The following PEBP4 variants were observed in gnomAD, a reference collection of about 807,000 sequenced individuals.
PEBP4 encodes phosphatidylethanolamine-binding protein 4.
A neutral mutation model predicts 23.9 loss-of-function variants in PEBP4; 22 were observed. The ratio of observed to expected loss-of-function variants is 0.92; its 90% CI spans 0.66 to 1.31. The LOEUF (loss-of-function observed/expected upper bound fraction) is 1.31, where lower values mean the gene tolerates loss of function less well. Among genes scored for constraint, PEBP4 ranks in the 40% most tolerant of loss-of-function variants. The pLI is 0.00. For synonymous variants in PEBP4, 112 were observed against 99.3 expected (o/e 1.13, Z -0.76); for missense variants, 324 against 281.7 (o/e 1.15, Z -1.07).
intron 3 of PEBP4, among the ~76,000 whole-genome samples, chr8:22,856,510 A>C (rs1028132228): frequency 3.9e-5 from 6 of 152,204 alleles, no homozygotes; most frequent in Admixed American, 3.3e-4. Flanking sequence ...TGAGGCCAGG[A>C]GCTCGAGACG....
chr8:22,741,492 GCCTGTGCTCAGTGAACTCCA>G (rs1366188135), intron 4 of PEBP4, among the ~76,000 whole-genome samples: 1 of 152,224 alleles, frequency 6.6e-6, no homozygotes, highest in East Asian at 1.9e-4. Flanking sequence ...AAAACCCTGA[GCCTGTGCTCAGTGAACTCCA>G]CCTGGAGCTC....
intron 3 of PEBP4, among the ~76,000 whole-genome samples, chr8:22,860,992 A>G (rs1362857308): frequency 1.3e-5 from 2 of 152,268 alleles, no homozygotes; most frequent in Non-Finnish European, 2.9e-5. Flanking sequence ...AGTGCCCAGC[A>G]CAGTATATTC....
chr8:22,781,777 C>T (rs976785719), intron 4 of PEBP4, among the ~76,000 whole-genome samples: 1 of 152,224 alleles, frequency 6.6e-6, no homozygotes, highest in Non-Finnish European at 1.5e-5. Context: ...TCAGGGACCC[C>T]AGCTCACGGC....
chr8:22,840,704 T>C (rs1484360145), intron 3 of PEBP4, among the ~76,000 whole-genome samples: 1 of 152,194 alleles, frequency 6.6e-6, no homozygotes, highest in Non-Finnish European at 1.5e-5. Context: ...TGGGAGAATG[T>C]CTGTGTTAAA....
chr8:22,871,552 A>ATT (rs35759089), intron 3 of PEBP4, among the ~76,000 whole-genome samples: 6,060 of 115,240 alleles, frequency 0.053, 533 homozygotes, highest in African/African-American at 0.17. Context: ...GATTTCTGGG[A>ATT]TTTTTTTTTT....
intron 3 of PEBP4, among the ~76,000 whole-genome samples, chr8:22,890,833 CTTTTT>C (rs989232456): frequency 2.0e-5 from 3 of 152,020 alleles, no homozygotes; most frequent in Non-Finnish European, 4.4e-5. Flanking sequence ...TCCCCCTTTT[CTTTTT>C]TTTATTTGAG....
In PEBP4 at chr8:22,730,215, C is replaced by T. The variant is rs552932377; in HGVS notation, c.358-2995G>A. 5.3e-4 allele frequency among the ~76,000 whole-genome samples: 80 copies of T among 152,298 alleles called. No homozygotes were observed. The Middle Eastern group carries it at 0.014, about 26-fold the overall frequency. On this transcript the variant is annotated intron_variant, in intron 4 of 6. Transcript: ENST00000256404. Reference sequence around the variant, plus strand: ...TGGAGCTGCGGTGAAAATGGGGGCCCTCCCACCCGATTTTAGCTCTTCTAA... The same window carrying T: ...TGGAGCTGCGGTGAAAATGGGGGCCTTCCCACCCGATTTTAGCTCTTCTAA...
rs368100195 is a variant in PEBP4, at chr8:22,855,831, A to C, written c.259-38096T>G. Among the ~76,000 whole-genome samples, 30 of 152,216 alleles carry C rather than the reference A, an allele frequency of 2.0e-4. No individual in the cohort carries two copies. In the South Asian group the frequency reaches 5.8e-3, roughly 29 times the overall value. On this transcript the variant is annotated intron_variant, in intron 3 of 6. Coordinates refer to ENST00000256404, the MANE Select transcript of PEBP4 (RefSeq NM_144962.3). ...CAAAGCGGAAGAATTGCATGGGCCT[A>C]GCAATTTGAAACCAGCCTAGACAAC... is the stretch of plus-strand genomic sequence containing the variant.
intron 3 of PEBP4, among the ~76,000 whole-genome samples, chr8:22,848,672 G>A (rs1807490945): frequency 6.6e-6 from 1 of 152,122 alleles, no homozygotes; most frequent in African/African-American, 2.4e-5. Context: ...AGGAGAGAGA[G>A]TTGCAAAGGT....
chr8:22,908,311 A>C (rs914025144), intron 3 of PEBP4, among the ~76,000 whole-genome samples: 1 of 152,202 alleles, frequency 6.6e-6, no homozygotes, highest in Non-Finnish European at 1.5e-5. Flanking sequence ...CCGAAGTGAG[A>C]GCCAGAAAGA....
rs200272561 is a variant in PEBP4 at position 22,860,209 on chromosome 8, C to CAT, written c.259-42476_259-42475dup. ...ATATATATGTATATATATATATACA[C>CAT]ATATATGTATATATATATATGGTGC... On this transcript the variant is annotated intron_variant, in intron 3 of 6. Coordinates refer to ENST00000256404, the MANE Select transcript of PEBP4 (RefSeq NM_144962.3). 9.2e-3 allele frequency among the ~76,000 whole-genome samples: 978 copies of CAT among 106,044 alleles called. 55 individuals carry two copies. The highest frequency in any genetic ancestry group is 0.033 in the African/African-American group (807 of 24,152). The allele number at this position is 106,044 out of a possible 152,430, so 69.6% of individuals were successfully genotyped here.
intron 4 of PEBP4, among the ~76,000 whole-genome samples, chr8:22,793,545 T>G (rs1806184211): frequency 6.6e-6 from 1 of 151,492 alleles, no homozygotes; most frequent in African/African-American, 2.4e-5. Context: ...CCTCCCAAAG[T>G]GCTGAGATTA....
At chr8:22,758,975 C>T (rs1805447211) in intron 4 of PEBP4, among the ~76,000 whole-genome samples, 1 of 149,712 alleles carries the variant, frequency 6.7e-6, no homozygotes, top group Admixed American at 6.7e-5. Flanking sequence ...AAGTGGAAGC[C>T]AGGGGAGGGG....
chr8:22,772,436 T>C (rs959251908), intron 4 of PEBP4, among the ~76,000 whole-genome samples: 15 of 151,984 alleles, frequency 9.9e-5, no homozygotes, highest in African/African-American at 3.6e-4. Context: ...TTATTTTATT[T>C]AATTAAATCC....
intron 1 of PEBP4, 37 bp downstream of exon 1, chr8:22,927,786 C>T: frequency 6.3e-7 from 1 of 1,590,018 alleles, no homozygotes; most frequent in Non-Finnish European, 8.5e-7. Flanking sequence ...ACTACCTGTG[C>T]CCCCGACCCC....
chr8:22,876,044 G>A (rs1808114660), intron 3 of PEBP4, among the ~76,000 whole-genome samples: 1 of 152,066 alleles, frequency 6.6e-6, no homozygotes. Flanking sequence ...GGAGTAAGCT[G>A]GGATTACAGG....
At chr8:22,773,758 TG>T (rs909768523) in intron 4 of PEBP4, among the ~76,000 whole-genome samples, 5 of 152,136 alleles carry the variant, frequency 3.3e-5, no homozygotes, top group Non-Finnish European at 4.4e-5. Context: ...TCTGTTCCCT[TG>T]GGAGCCTCAG....
intron 6 of PEBP4, among the ~76,000 whole-genome samples, chr8:22,717,198 G>T (rs1187898414): frequency 6.6e-6 from 1 of 152,052 alleles, no homozygotes; most frequent in Non-Finnish European, 1.5e-5. Flanking sequence ...CCACACCTGG[G>T]TAATTAAAAA....
At chr8:22,715,329 C>T (rs1386205815) in intron 6 of PEBP4, among the ~76,000 whole-genome samples, 2 of 152,244 alleles carry the variant, frequency 1.3e-5, no homozygotes, top group Non-Finnish European at 2.9e-5. Context: ...CCTCTGCACC[C>T]TAGGAGCCCA....
Sources: allele counts gnomAD v4.1 joint callset (sites outside exome capture counted in the v4.1 genomes callset), GRCh38; gene constraint gnomAD v4.1.1; transcripts MANE v1.5; gene names NCBI Gene and HGNC (gene_info 2026-07-23, HGNC 2026-07-21).